The following COL14A1 variants were observed in gnomAD, a reference collection of about 807,000 sequenced individuals.
COL14A1 encodes collagen type XIV alpha 1 chain.
In COL14A1, 136 loss-of-function variants were observed where a neutral mutation model predicts 230.3. The observed-to-expected ratio is 0.59, with a 90% CI of 0.51 to 0.68. The LOEUF (loss-of-function observed/expected upper bound fraction) is 0.68. COL14A1 is among the 30% of genes least tolerant of loss of function. The pLI is 0.00. For missense variants in COL14A1, 1,976 were observed against 2,215.8 expected (o/e 0.89, Z 2.17); for synonymous variants, 792 against 784.1 (o/e 1.01, Z -0.17).
intron 20 of COL14A1, among the ~76,000 whole-genome samples, chr8:120,246,940 A>G (rs1416108080): frequency 6.6e-6 from 1 of 152,216 alleles, no homozygotes; most frequent in Non-Finnish European, 1.5e-5. Flanking sequence ...TTCTATGAAC[A>G]CACCCCCAGT....
intron 44 of COL14A1, among the ~76,000 whole-genome samples, chr8:120,343,775 A>G (rs1186934756): frequency 2.6e-5 from 4 of 152,242 alleles, no homozygotes; most frequent in Non-Finnish European, 5.9e-5. Context: ...TTGAACATTA[A>G]TCATTTTGTA....
At chr8:120,314,089 A>T (rs1821130697) in intron 38 of COL14A1, 62 bp downstream of exon 38, 1 of 1,230,798 alleles carries the variant, frequency 8.1e-7, no homozygotes, top group Non-Finnish European at 1.2e-6. Context: ...GAGGTTACAA[A>T]GAATGAACTT....
At chr8:120,332,553 G>A (rs1405387899) in intron 41 of COL14A1, 111 bp from the exon 42 acceptor site, 9 of 875,554 alleles carry the variant, frequency 1.0e-5, no homozygotes, top group Admixed American at 2.4e-5. Flanking sequence ...TGGTGATGAG[G>A]GGGAGGGAAG....
chr8:120,128,287 G>A (rs1814419550), intron 1 of COL14A1, among the ~76,000 whole-genome samples: 1 of 151,514 alleles, frequency 6.6e-6, no homozygotes. Flanking sequence ...TATTTTTTGA[G>A]TACTTACTGG....
At chr8:120,266,946 C>A in intron 25 of COL14A1, 63 bp downstream of exon 25, 1 of 1,375,722 alleles carries the variant, frequency 7.3e-7, no homozygotes, top group Non-Finnish European at 1.0e-6. Context: ...TTTTGTTTGC[C>A]TGTTCATTTC....
At chr8:120,151,339 T>C (rs1815271329) in intron 2 of COL14A1, among the ~76,000 whole-genome samples, 1 of 152,032 alleles carries the variant, frequency 6.6e-6, no homozygotes, top group South Asian at 2.1e-4. Flanking sequence ...CAAAGCCAAA[T>C]AGACATTTTC....
At chr8:120,225,941 C>A (rs75357595) in intron 15 of COL14A1, among the ~76,000 whole-genome samples, 15,928 of 150,718 alleles carry the variant, frequency 0.11, 1,634 homozygotes, top group East Asian at 0.46. Context: ...CTCCAGAAGG[C>A]TAATTCTAGT....
At chr8:120,205,682 G>A (rs966458678) in intron 9 of COL14A1, among the ~76,000 whole-genome samples, 13 of 152,022 alleles carry the variant, frequency 8.6e-5, no homozygotes, top group Non-Finnish European at 1.6e-4. Context: ...GGGCACCCAA[G>A]CAGTATGATC....
chr8:120,183,723 C>T (rs1816549205), intron 5 of COL14A1, among the ~76,000 whole-genome samples: 2 of 152,172 alleles, frequency 1.3e-5, no homozygotes, highest in South Asian at 4.1e-4. Context: ...AACAACCAGG[C>T]TTCATGTTCC....
Position 120,168,166 on chromosome 8 carries a change from G to T in COL14A1, c.355G>T (p.Asp119Tyr), listed in dbSNP as rs753172571. The part of the protein sequence containing the change: ...KPAQGQFRIK[D>Y]LEKRKDPKPR... ...TATCTCTACTTTTCTTCCAGTTAAA[G>T]ATTTAGAAAAAAGAAAGGATCCAAA... The change falls in exon 5 of 48, where the codon GAT becomes TAT. Residue 119 changes from aspartate to tyrosine, a missense_variant. Asp to Tyr is a radical substitution (Grantham distance 160). Coordinates refer to ENST00000297848, the MANE Select transcript of COL14A1 (RefSeq NM_021110.4). 43 of 1,608,056 alleles carry T rather than the reference G, an allele frequency of 2.7e-5. No homozygotes were observed. In the Middle Eastern group the frequency reaches 8.3e-4, roughly 31 times the overall value.
chr8:120,286,957 T>C (rs1198015719), intron 33 of COL14A1, among the ~76,000 whole-genome samples: 1 of 152,188 alleles, frequency 6.6e-6, no homozygotes, highest in East Asian at 1.9e-4. Flanking sequence ...CCCACTGATC[T>C]GTAGTGTTAA....
chr8:120,166,921 T>G (rs1471682039), intron 4 of COL14A1, among the ~76,000 whole-genome samples: 2 of 137,286 alleles, frequency 1.5e-5, no homozygotes, highest in African/African-American at 5.9e-5. Context: ...TGTGTGTGTG[T>G]GGTGGTGATG....
At chr8:120,285,258 C>G (rs1471235632) in intron 32 of COL14A1, among the ~76,000 whole-genome samples, 1 of 151,502 alleles carries the variant, frequency 6.6e-6, no homozygotes. Flanking sequence ...TCGAGACCAT[C>G]CTGAACATGA....
intron 40 of COL14A1, among the ~76,000 whole-genome samples, chr8:120,321,841 T>A (rs1821459637): frequency 6.6e-6 from 1 of 152,148 alleles, no homozygotes; most frequent in Non-Finnish European, 1.5e-5. Context: ...ATTCCTGGAC[T>A]TCAATCTCAG....
chr8:120,190,775 G>C (rs1237217546), intron 5 of COL14A1, among the ~76,000 whole-genome samples: 1 of 152,180 alleles, frequency 6.6e-6, no homozygotes, highest in African/African-American at 2.4e-5. Flanking sequence ...AGTCTTGGGA[G>C]GGTGTATGTG....
At chr8:120,320,045 G>C (rs1461249319) in intron 40 of COL14A1, among the ~76,000 whole-genome samples, 1 of 151,370 alleles carries the variant, frequency 6.6e-6, no homozygotes. Context: ...CTAATATATG[G>C]TGGCTTTCTC....
At chr8:120,344,079 T>C (rs554114317) in intron 44 of COL14A1, among the ~76,000 whole-genome samples, 22 of 152,290 alleles carry the variant, frequency 1.4e-4, no homozygotes, top group Admixed American at 5.2e-4. Flanking sequence ...TTCTAGGAAG[T>C]AGAAGTCATC....
At chr8:120,136,316 A>G (rs1586707001) in intron 1 of COL14A1, among the ~76,000 whole-genome samples, 2 of 152,068 alleles carry the variant, frequency 1.3e-5, no homozygotes, top group East Asian at 3.9e-4. Flanking sequence ...AAAATCCTGA[A>G]TGTGTATTGA....
intron 1 of COL14A1, among the ~76,000 whole-genome samples, chr8:120,130,188 A>G (rs1304394449): frequency 6.6e-6 from 1 of 152,242 alleles, no homozygotes; most frequent in Non-Finnish European, 1.5e-5. Context: ...GGAGATTATC[A>G]TTATTTTTTC....
Sources: gnomAD v4.1 joint callset for allele counts (sites outside exome capture counted in the v4.1 genomes callset) on GRCh38, gnomAD v4.1.1 for gene constraint, MANE v1.5 for transcripts, NCBI Gene and HGNC (gene_info 2026-07-23, HGNC 2026-07-21) for gene names.